The following TTC28 variants were observed in gnomAD, a reference collection of about 807,000 sequenced individuals.
TTC28 encodes tetratricopeptide repeat protein 28.
In TTC28, 61 loss-of-function variants were observed where a neutral mutation model predicts 198.0. That is an observed-to-expected ratio of 0.31 (90% CI 0.25 to 0.38). The LOEUF is 0.38. Among genes scored for constraint, TTC28 ranks in the 10% least tolerant of loss-of-function variants. The pLI is 1.00. For synonymous variants in TTC28, 1,171 were observed against 1,297.8 expected (o/e 0.90, Z 2.10); for missense variants, 2,678 against 3,164.0 (o/e 0.85, Z 3.69).
At chr22:28,001,979 G>T (rs1361532731) in intron 14 of TTC28, 1 of 175,614 alleles carries the variant, frequency 5.7e-6, no homozygotes, top group African/African-American at 2.3e-5. Flanking sequence ...GGGCTGGCAT[G>T]ACAGCCCCTG....
intron 1 of TTC28, among the ~76,000 whole-genome samples, chr22:28,636,015 A>G (rs1195543921): frequency 6.7e-6 from 1 of 149,438 alleles, no homozygotes; most frequent in Admixed American, 6.7e-5. Context: ...TGAATTCAAC[A>G]TTTTTAGATC....
intron 2 of TTC28, among the ~76,000 whole-genome samples, chr22:28,531,471 C>T (rs568651492): frequency 6.6e-6 from 1 of 152,162 alleles, no homozygotes; most frequent in African/African-American, 2.4e-5. Context: ...GAGATTTTAA[C>T]ACCCCACTGT....
chr22:28,024,605 G>A (rs1004460398), intron 13 of TTC28, among the ~76,000 whole-genome samples: 18 of 152,346 alleles, frequency 1.2e-4, no homozygotes, highest in African/African-American at 3.8e-4. Context: ...GGGTGGTAAT[G>A]GGATCAGTGT....
chr22:27,993,539 A>G, intron 17 of TTC28, 21 bp from the exon 18 acceptor site: 1 of 1,526,934 alleles, frequency 6.5e-7, no homozygotes, highest in Non-Finnish European at 8.8e-7. Flanking sequence ...ATTGGGGGTG[A>G]GTCAGAGACC....
intron 12 of TTC28, among the ~76,000 whole-genome samples, chr22:28,051,570 A>G (rs1055776804): frequency 1.3e-5 from 2 of 152,126 alleles, no homozygotes; most frequent in Non-Finnish European, 2.9e-5. Context: ...CTCGAGATAG[A>G]GCACTGTACA....
intron 2 of TTC28, among the ~76,000 whole-genome samples, chr22:28,607,216 A>G (rs2050750216): frequency 6.6e-6 from 1 of 152,082 alleles, no homozygotes. Flanking sequence ...AAGCTTAACT[A>G]TTTATTTGGG....
chr22:28,330,654 A>G (rs1039913523), intron 2 of TTC28, among the ~76,000 whole-genome samples: 3 of 152,118 alleles, frequency 2.0e-5, no homozygotes, highest in Non-Finnish European at 4.4e-5. Context: ...AATGAAAGGG[A>G]TCTTTGGCAT....
In TTC28 at chr22:28,120,363, G is replaced by A. The variant is rs569755550; in HGVS notation, c.1442-11960C>T. On this transcript the variant is annotated intron_variant, in intron 6 of 22. Coordinates refer to ENST00000397906, the MANE Select transcript of TTC28 (RefSeq NM_001145418.2). ...GCTCTCATCTGCTTTCAACGCCCTG[G>A]GACCTTCATTATCTTATTTGAGTCT... Among the ~76,000 whole-genome samples, 9 of 152,100 alleles carry A rather than the reference G, an allele frequency of 5.9e-5. No individual in the cohort carries two copies. In the South Asian group the frequency reaches 1.7e-3, roughly 28 times the overall value.
intron 6 of TTC28, among the ~76,000 whole-genome samples, chr22:28,148,240 T>A (rs1289784006): frequency 6.6e-6 from 1 of 152,218 alleles, no homozygotes; most frequent in East Asian, 1.9e-4. Flanking sequence ...TAAAATGATA[T>A]CATAAAACCT....
At chr22:28,651,729 C>T (rs1473099214) in intron 1 of TTC28, among the ~76,000 whole-genome samples, 1 of 150,150 alleles carries the variant, frequency 6.7e-6, no homozygotes, top group Admixed American at 6.7e-5. Context: ...CCCTCCTGAC[C>T]TCTCTTAAAC....
At chr22:28,266,550 C>G (rs1931696651) in intron 5 of TTC28, among the ~76,000 whole-genome samples, 1 of 152,126 alleles carries the variant, frequency 6.6e-6, no homozygotes, top group African/African-American at 2.4e-5. Flanking sequence ...GATTGACAAG[C>G]ACTTGCTCCT....
At chr22:28,523,876 G>A (rs1017121527) in intron 2 of TTC28, among the ~76,000 whole-genome samples, 10 of 152,128 alleles carry the variant, frequency 6.6e-5, no homozygotes, top group Admixed American at 3.3e-4. Context: ...TAAATGCCAA[G>A]CACAGTACTA....
intron 12 of TTC28, among the ~76,000 whole-genome samples, chr22:28,065,110 C>T (rs1339192479): frequency 1.3e-5 from 2 of 152,146 alleles, no homozygotes; most frequent in Admixed American, 6.5e-5. Flanking sequence ...CCTTGCATAG[C>T]GGCTTGGCAG....
rs201501246 is a variant in TTC28, at chr22:28,586,035, CT to C, written c.381+43516del. On this transcript the variant is annotated intron_variant, in intron 2 of 22. Coordinates refer to ENST00000397906, the MANE Select transcript of TTC28 (RefSeq NM_001145418.2). ...GTGGCTCATGCCTGTAATCCCAGCACTTTGGGAGGCTGAGGCGGTCAAATCA... is the reference window on the plus strand; with the variant it reads ...GTGGCTCATGCCTGTAATCCCAGCACTTGGGAGGCTGAGGCGGTCAAATCA... 1.2e-3 allele frequency among the ~76,000 whole-genome samples: 183 copies of C among 151,074 alleles called. No individual in the cohort carries two copies. In the East Asian group the frequency reaches 0.033, roughly 27 times the overall value.
At chr22:28,608,046 CA>C (rs1230400864) in intron 2 of TTC28, among the ~76,000 whole-genome samples, 1 of 152,168 alleles carries the variant, frequency 6.6e-6, no homozygotes, top group African/African-American at 2.4e-5. Context: ...CAGAACTTGT[CA>C]AAATCAACTT....
At chr22:28,621,625 C>T (rs1435555336) in intron 2 of TTC28, among the ~76,000 whole-genome samples, 2 of 150,390 alleles carry the variant, frequency 1.3e-5, no homozygotes, top group African/African-American at 4.9e-5. Flanking sequence ...TGCCTGTAGT[C>T]CCAGCTACTC....
chr22:28,287,443 C>T (rs1050045354), intron 5 of TTC28, among the ~76,000 whole-genome samples: 2 of 152,054 alleles, frequency 1.3e-5, no homozygotes, highest in Non-Finnish European at 2.9e-5. Context: ...ATAAATTGGA[C>T]TTAACTAACA....
intron 6 of TTC28, among the ~76,000 whole-genome samples, chr22:28,118,634 G>T (rs1310493533): frequency 6.6e-6 from 1 of 152,114 alleles, no homozygotes; most frequent in African/African-American, 2.4e-5. Flanking sequence ...TAAGTGTGTA[G>T]TAGGCTATCC....
At chr22:28,161,173 A>G (rs1002826517) in intron 6 of TTC28, among the ~76,000 whole-genome samples, 3 of 152,254 alleles carry the variant, frequency 2.0e-5, no homozygotes, top group Non-Finnish European at 4.4e-5. Context: ...TACATAAAAA[A>G]TTATGGGATG....
Sources: gnomAD v4.1 joint callset for allele counts (sites outside exome capture counted in the v4.1 genomes callset) on GRCh38, gnomAD v4.1.1 for gene constraint, MANE v1.5 for transcripts, NCBI Gene and HGNC (gene_info 2026-07-23, HGNC 2026-07-21) for gene names.